Variants in SP110 observed in about 807,000 individuals in gnomAD.
SP110 encodes the protein SP110 nuclear body protein.
Under a neutral mutation model 92.7 loss-of-function variants are expected in SP110, and 62 were observed. The observed-to-expected ratio is 0.67, with a 90% CI of 0.55 to 0.83. SP110 has a LOEUF of 0.83. Ranked by LOEUF, SP110 falls within the 40% of genes least tolerant of loss-of-function variation. SP110 has a pLI of 0.00. For synonymous variants in SP110, 273 were observed against 305.3 expected (o/e 0.89, Z 1.10); for missense variants, 793 against 863.9 (o/e 0.92, Z 1.03).
At chr2:230,190,345 ATT>A (rs55747411) in intron 10 of SP110, among the ~76,000 whole-genome samples, 98,594 of 151,198 alleles carry the variant, frequency 0.65, 32,262 homozygotes, top group African/African-American at 0.71. Context: ...GGCTACGTAA[ATT>A]TTTTTTTTTT....
chr2:230,208,969 G>A lies in SP110; in HGVS notation c.830-910C>T, dbSNP rs193268514. Among the ~76,000 whole-genome samples, 502 of 152,346 alleles carry A rather than the reference G, an allele frequency of 3.3e-3. 3 individuals carry two copies. The highest frequency in any genetic ancestry group is 0.012 in the African/African-American group (479 of 41,580). ...GCAAAGAAAAGCAGATGATGGCTTG[G>A]AAGGAGGAAAGGCCAGTGGACTGGT... is the stretch of plus-strand genomic sequence containing the variant. On this transcript the variant is annotated intron_variant, in intron 7 of 18. Transcript: ENST00000258381.
chr2:230,169,070 G>T lies in SP110; in HGVS notation c.*54C>A. On this transcript the variant is annotated 3_prime_UTR_variant, in exon 19 of 19. Transcript: ENST00000258381. The stretch of plus-strand genomic sequence containing the variant: ...ACTGGCAATCAACAGTCCAAGCCAG[G>T]GTCCCATCAGCTGAATCCTGAGGTG... 8.4e-7 allele frequency: 1 copy of T among 1,194,936 alleles called. No homozygotes were observed. Among genetic ancestry groups the T allele is most frequent in the Non-Finnish European group, 1.3e-6 (1 of 798,514 alleles). 74.0% of individuals were successfully genotyped at this position (1,194,936 alleles called of 1,614,324 possible). A position where few individuals can be genotyped will look rare whatever the true frequency, so the allele number is the denominator to read the frequency against.
chr2:230,207,838 A>T (rs2044037406), intron 8 of SP110, among the ~76,000 whole-genome samples, 153 bp downstream of exon 8: 1 of 152,158 alleles, frequency 6.6e-6, no homozygotes, highest in African/African-American at 2.4e-5. Context: ...ACACCGTAGC[A>T]AAATTGAGCT....
chr2:230,168,266 A>G lies in SP110; in HGVS notation c.*858T>C, dbSNP rs1489866505. 3 of 152,082 alleles carry G rather than the reference A, an allele frequency of 2.0e-5. No homozygotes were observed. The highest frequency in any genetic ancestry group is 4.4e-5 in the Non-Finnish European group (3 of 68,014). The allele number at this position is 152,082 out of a possible 1,614,324, so 9.4% of individuals were successfully genotyped here. A position where few individuals can be genotyped will look rare whatever the true frequency, so the allele number is the denominator to read the frequency against. On this transcript the variant is annotated 3_prime_UTR_variant, in exon 19 of 19. Transcript: ENST00000258381. ...CTGGTTACCTTTAGAGGATATTGGG[A>G]CATCAATTCATTATTTTGAACATTG... is the stretch of plus-strand genomic sequence containing the variant.
chr2:230,182,518 TA>T (rs2042173061), intron 12 of SP110, among the ~76,000 whole-genome samples: 1 of 151,468 alleles, frequency 6.6e-6, no homozygotes, highest in African/African-American at 2.4e-5. Context: ...GGGAGGAAGA[TA>T]GGGGGATTCA....
rs2078307487 is a variant in SP110 at position 230,166,079 on chromosome 2, A to G, written c.*3045T>C. Reference sequence around the variant, plus strand: ...TGGCTAATTTTTGTATTTTTAGTAGAGACGGGGTTTCACCACGTTGGTCAG... The same window carrying G: ...TGGCTAATTTTTGTATTTTTAGTAGGGACGGGGTTTCACCACGTTGGTCAG... On this transcript the variant is annotated 3_prime_UTR_variant, in exon 19 of 19. Coordinates refer to ENST00000258381, the MANE Select transcript of SP110 (RefSeq NM_080424.4). 6.6e-6 allele frequency among the ~76,000 whole-genome samples: 1 copy of G among 152,090 alleles called. No homozygotes were observed. Among genetic ancestry groups the G allele is most frequent in the Admixed American group, 6.5e-5 (1 of 15,278 alleles).
chr2:230,168,917 A>ATTATTTT lies in SP110; in HGVS notation c.*206_*207insAAAATAA. The ATTATTTT allele has an allele frequency of 2.4e-6, 1 of 424,726 alleles. No individual in the cohort carries two copies. The highest frequency in any genetic ancestry group is 2.5e-5 in the South Asian group (1 of 39,596). 26.3% of individuals were successfully genotyped at this position (424,726 alleles called of 1,614,324 possible). ...ATCTGATGGTATTAAGGAAGTATTAATTTTTTTTTTTTTTAGTGTAGATAT... is the reference window on the plus strand; with the variant it reads ...ATCTGATGGTATTAAGGAAGTATTAATTATTTTTTTTTTTTTTTTTTAGTGTAGATAT... On this transcript the variant is annotated 3_prime_UTR_variant, in exon 19 of 19. Coordinates refer to ENST00000258381, the MANE Select transcript of SP110 (RefSeq NM_080424.4).
In SP110 at chr2:230,176,718, G is replaced by A. The variant is rs147566256; in HGVS notation, c.1590+820C>T. 18 of 1,613,986 alleles carry A rather than the reference G, an allele frequency of 1.1e-5. No homozygotes were observed. In the African/African-American group the frequency reaches 2.3e-4, roughly 20 times the overall value. ...TTTATTCTTGGAGGACAGAGCAAAA[G>A]TCCACTCTGAAAGACAGAAGGAGTC... On this transcript the variant is annotated intron_variant, in intron 14 of 18. Coordinates refer to ENST00000258381, the MANE Select transcript of SP110 (RefSeq NM_080424.4).
chr2:230,217,245 C>CAAAAAAAA (rs6147220), intron 1 of SP110, among the ~76,000 whole-genome samples: 1 of 79,796 alleles, frequency 1.3e-5, no homozygotes, highest in South Asian at 4.7e-4. Context: ...GACTCCATCT[C>CAAAAAAAA]AAAAAAAAAA....
chr2:230,190,289 A>T (rs4973291), intron 10 of SP110, among the ~76,000 whole-genome samples: 121,027 of 152,134 alleles, frequency 0.8, 48,250 homozygotes, highest in Admixed American at 0.84. Flanking sequence ...TTGATTTGCA[A>T]TTCTCTGATG....
At chr2:230,223,492 C>A (rs1379890587), upstream of SP110, among the ~76,000 whole-genome samples, 6 of 152,304 alleles carry the variant, frequency 3.9e-5, no homozygotes, top group African/African-American at 1.4e-4. Flanking sequence ...CAATATAGTT[C>A]TAAGAAATTG....
intron 1 of SP110, among the ~76,000 whole-genome samples, chr2:230,225,339 C>T (rs1324783189): frequency 6.6e-6 from 1 of 152,190 alleles, no homozygotes. Context: ...CTAATGCATG[C>T]TATTTCAGTT....
intron 12 of SP110, among the ~76,000 whole-genome samples, chr2:230,180,104 G>A (rs1246932389): frequency 1.3e-5 from 2 of 152,178 alleles, no homozygotes; most frequent in Non-Finnish European, 2.9e-5. Flanking sequence ...TTTGAAAGGT[G>A]AGCTGCAGCA....
intron 11 of SP110, among the ~76,000 whole-genome samples, chr2:230,185,123 C>G (rs1490149342): frequency 2.0e-5 from 3 of 152,208 alleles, no homozygotes; most frequent in Non-Finnish European, 4.4e-5. Flanking sequence ...TGAGGCTCAG[C>G]CCTACATCAC....
intron 10 of SP110, among the ~76,000 whole-genome samples, chr2:230,194,846 G>A (rs1398395030): frequency 6.6e-6 from 1 of 152,170 alleles, no homozygotes; most frequent in Non-Finnish European, 1.5e-5. Flanking sequence ...TAAGAGAAAA[G>A]AAGACTAGGT....
chr2:230,172,557 C>G, intron 15 of SP110: 1 of 530,166 alleles, frequency 1.9e-6, no homozygotes, highest in Admixed American at 3.2e-5. Context: ...TGCTTCCTGT[C>G]TTTCCTCAAC....
intron 10 of SP110, among the ~76,000 whole-genome samples, chr2:230,196,370 T>C (rs115588204): frequency 1.3e-5 from 2 of 151,964 alleles, no homozygotes; most frequent in Non-Finnish European, 2.9e-5. Flanking sequence ...GTTAAAAAAA[T>C]AGATAACATT....
At chr2:230,171,166 C>T (rs2078430044) in intron 17 of SP110, among the ~76,000 whole-genome samples, 2 of 152,194 alleles carry the variant, frequency 1.3e-5, no homozygotes, top group African/African-American at 4.8e-5. Flanking sequence ...GATCTTGGCT[C>T]ACCGCAACCT....
intron 12 of SP110, among the ~76,000 whole-genome samples, chr2:230,182,076 A>T (rs2042150521): frequency 6.6e-6 from 1 of 152,196 alleles, no homozygotes; most frequent in South Asian, 2.1e-4. Flanking sequence ...TGAATTATAG[A>T]CTGGATAAAG....
Sources: gnomAD v4.1 joint callset for allele counts (sites outside exome capture counted in the v4.1 genomes callset) on GRCh38, gnomAD v4.1.1 for gene constraint, MANE v1.5 for transcripts, NCBI Gene and HGNC (gene_info 2026-07-23, HGNC 2026-07-21) for gene names.